PLSCR2: variants seen among roughly 807,000 people sequenced by gnomAD.
PLSCR2 encodes the protein phospholipid scramblase 2.
Under a neutral mutation model 25.3 loss-of-function variants are expected in PLSCR2, and 18 were observed. The ratio of observed to expected loss-of-function variants is 0.71; its 90% confidence interval spans 0.49 to 1.06. The LOEUF (loss-of-function observed/expected upper bound fraction) is 1.06, where lower values mean the gene tolerates loss of function less well. Ranked by LOEUF, PLSCR2 falls within the 50% of genes least tolerant of loss-of-function variation. PLSCR2 has a pLI of 0.00. For missense variants in PLSCR2, 243 were observed against 269.5 expected (o/e 0.90, Z 0.69); for synonymous variants, 88 against 87.3 (o/e 1.01, Z -0.04).
intron 2 of PLSCR2, among the ~76,000 whole-genome samples, chr3:146,424,173 T>C (rs1008446888): frequency 2.6e-5 from 4 of 151,992 alleles, no homozygotes; most frequent in Non-Finnish European, 5.9e-5. Context: ...GGTAAGTTTC[T>C]GGTGAGAGCT....
At chr3:146,418,494 TAGTTTCCCTGTTAGAGGC>T (rs2039053581) in intron 2 of PLSCR2, among the ~76,000 whole-genome samples, 1 of 152,196 alleles carries the variant, frequency 6.6e-6, no homozygotes, top group African/African-American at 2.4e-5. Flanking sequence ...AGGACAGGCA[TAGTTTCCCTGTTAGAGGC>T]ATTTCTGTTC....
intron 1 of PLSCR2, among the ~76,000 whole-genome samples, chr3:146,490,129 T>C (rs552849384): frequency 9.9e-5 from 15 of 152,210 alleles, no homozygotes; most frequent in African/African-American, 3.6e-4. Context: ...TGTGGACTTC[T>C]GAAACTGGAA....
At position 146,447,060 on chromosome 3, in the gene PLSCR2, T is replaced by C. The variant is rs73865717; in HGVS notation, c.645+2146A>G. Among the ~76,000 whole-genome samples, 638 of 152,316 alleles carry C rather than the reference T, an allele frequency of 4.2e-3. 7 individuals are homozygous for C. The highest frequency in any genetic ancestry group is 0.014 in the African/African-American group (575 of 41,570). ...TCTTCGGTCAGCTTGTGGTGAATTA[T>C]GCCAGTCCTGAATATCTCCCTTCAT... is the stretch of plus-strand genomic sequence containing the variant. On this transcript the variant is annotated intron_variant, in intron 6 of 6. Coordinates refer to ENST00000610787, the Ensembl canonical transcript of PLSCR2.
chr3:146,445,576 TTTATCA>T (rs2040503030), intron 6 of PLSCR2, among the ~76,000 whole-genome samples: 1 of 152,188 alleles, frequency 6.6e-6, no homozygotes, highest in Non-Finnish European at 1.5e-5. Context: ...GGATCCTTTC[TTTATCA>T]TTAACATTTG....
At chr3:146,451,249 G>C (rs908152814) in intron 5 of PLSCR2, among the ~76,000 whole-genome samples, 4 of 151,636 alleles carry the variant, frequency 2.6e-5, no homozygotes, top group Non-Finnish European at 4.4e-5. Flanking sequence ...CGAGTAGCTG[G>C]GATTACAGGC....
intron 1 of PLSCR2, among the ~76,000 whole-genome samples, chr3:146,494,422 C>G (rs2043672958): frequency 6.6e-6 from 1 of 151,962 alleles, no homozygotes; most frequent in African/African-American, 2.4e-5. Context: ...TTCATGTTGT[C>G]TACATGTGTG....
intron 1 of PLSCR2, among the ~76,000 whole-genome samples, chr3:146,483,329 G>A (rs1221862861): frequency 6.7e-6 from 1 of 149,090 alleles, no homozygotes; most frequent in East Asian, 2.0e-4. Context: ...AATACCAAAT[G>A]TAAATGACGA....
intron 2 of PLSCR2, among the ~76,000 whole-genome samples, chr3:146,396,776 G>C (rs2038289420): frequency 6.6e-6 from 1 of 152,142 alleles, no homozygotes; most frequent in Non-Finnish European, 1.5e-5. Context: ...AGCCTTGTAA[G>C]TAGTGCTAAG....
chr3:146,420,510 A>C (rs1051881540), intron 2 of PLSCR2, among the ~76,000 whole-genome samples: 2 of 152,132 alleles, frequency 1.3e-5, no homozygotes, highest in East Asian at 3.9e-4. Context: ...TTTTTTTAAC[A>C]CTTGTAACCA....
At chr3:146,399,333 G>A (rs780895429) in intron 2 of PLSCR2, among the ~76,000 whole-genome samples, 22 of 151,728 alleles carry the variant, frequency 1.4e-4, no homozygotes, top group Non-Finnish European at 2.4e-4. Context: ...CATATAATGG[G>A]TTATTATGCT....
At chr3:146,464,055 C>G, upstream of PLSCR2, 1 of 778,878 alleles carries the variant, frequency 1.3e-6, no homozygotes, top group Non-Finnish European at 1.6e-6. Context: ...TTTCTTAGAA[C>G]AATCGGAATC....
At chr3:146,425,642 TA>T (rs1456870178) in intron 2 of PLSCR2, among the ~76,000 whole-genome samples, 4 of 152,144 alleles carry the variant, frequency 2.6e-5, no homozygotes, top group Non-Finnish European at 5.9e-5. Flanking sequence ...ATAGATGGCT[TA>T]AATAGCTGTT....
chr3:146,457,887 T>C (rs1192454437), intron 3 of PLSCR2, among the ~76,000 whole-genome samples: 4 of 151,728 alleles, frequency 2.6e-5, no homozygotes, highest in African/African-American at 9.7e-5. Flanking sequence ...AGTGCAGTCA[T>C]CCCACAGTAT....
intron 1 of PLSCR2, among the ~76,000 whole-genome samples, chr3:146,465,572 CAA>C (rs11459539): frequency 8.8e-5 from 11 of 125,520 alleles, no homozygotes; most frequent in Admixed American, 1.6e-4. Context: ...TCACCCTCCA[CAA>C]AAAAAAAAAA....
intron 2 of PLSCR2, among the ~76,000 whole-genome samples, chr3:146,406,894 C>T (rs527543264): frequency 9.2e-5 from 14 of 152,196 alleles, no homozygotes; most frequent in African/African-American, 2.6e-4. Context: ...ATGGGTTCCT[C>T]GAACAAGTGG....
chr3:146,401,924 TA>T (rs915049356), intron 2 of PLSCR2, among the ~76,000 whole-genome samples: 32 of 151,696 alleles, frequency 2.1e-4, no homozygotes, highest in South Asian at 4.2e-4. Context: ...ATAGTAGAAA[TA>T]AAAAAAATTG....
At chr3:146,409,138 C>T (rs968965746) in intron 2 of PLSCR2, among the ~76,000 whole-genome samples, 10 of 152,000 alleles carry the variant, frequency 6.6e-5, no homozygotes, top group African/African-American at 2.4e-4. Context: ...TTATACAAGT[C>T]AGAAGTAGAA....
chr3:146,490,193 A>G (rs1162143174), intron 1 of PLSCR2, among the ~76,000 whole-genome samples: 1 of 152,106 alleles, frequency 6.6e-6, no homozygotes, highest in Non-Finnish European at 1.5e-5. Flanking sequence ...GATACCTATT[A>G]TAGATGTTTG....
chr3:146,481,922 A>G (rs1462731593), intron 1 of PLSCR2, among the ~76,000 whole-genome samples: 1 of 152,258 alleles, frequency 6.6e-6, no homozygotes, highest in African/African-American at 2.4e-5. Context: ...CAGAAATAAC[A>G]CCACACATCT....
Sources: allele counts gnomAD v4.1 joint callset (sites outside exome capture counted in the v4.1 genomes callset), GRCh38; gene constraint gnomAD v4.1.1; transcripts MANE v1.5; gene names NCBI Gene and HGNC (gene_info 2026-07-23, HGNC 2026-07-21).